Variants in SLC35G2 observed in about 807,000 individuals in gnomAD.
SLC35G2 encodes the protein solute carrier family 35 member G2.
Under a neutral mutation model 27.2 loss-of-function variants are expected in SLC35G2, and 20 were observed. The ratio of observed to expected loss-of-function variants is 0.74; its 90% CI spans 0.52 to 1.07. The LOEUF (loss-of-function observed/expected upper bound fraction) is 1.07, where lower values mean the gene tolerates loss of function less well. SLC35G2 is among the 50% of genes least tolerant of loss of function. SLC35G2 has a pLI of 0.00. For missense variants in SLC35G2, 416 were observed against 493.3 expected (o/e 0.84, Z 1.48); for synonymous variants, 148 against 165.3 (o/e 0.90, Z 0.80).
At chr3:136,837,031 G>C (rs776045674) in intron 1 of SLC35G2, among the ~76,000 whole-genome samples, 4 of 152,098 alleles carry the variant, frequency 2.6e-5, no homozygotes, top group Non-Finnish European at 4.4e-5. Flanking sequence ...TTATGGGGTG[G>C]TAACTTATGT....
intron 1 of SLC35G2, among the ~76,000 whole-genome samples, chr3:136,835,383 A>AT (rs1276054265): frequency 1.8e-4 from 3 of 17,008 alleles, no homozygotes; most frequent in African/African-American, 4.4e-4. Context: ...CAGGTGATAC[A>AT]TTTTTTTTTG....
chr3:136,855,130 G>C lies in SLC35G2; in HGVS notation c.670G>C (p.Ala224Pro). ...VDEKMAYVDM[A>P]TVVCSILGVC... The stretch of plus-strand genomic sequence containing the variant: ...TGAGAAAATGGCTTATGTTGACATG[G>C]CTACAGTTGTTTGCAGCATCTTAGG... Residue 224 changes from alanine (A) to proline (P), a missense_variant, in exon 2 of 2, where the codon GCT becomes CCT. Coordinates refer to ENST00000446465, the MANE Select transcript of SLC35G2 (RefSeq NM_025246.3). The C allele has an allele frequency of 6.2e-7, 1 of 1,614,142 alleles. No homozygotes were observed. The highest frequency in any genetic ancestry group is 8.5e-7 in the Non-Finnish European group (1 of 1,180,032).
At chr3:136,854,342 C>G in intron 1 of SLC35G2, 101 bp from the exon 2 acceptor site, 1 of 768,664 alleles carries the variant, frequency 1.3e-6, no homozygotes. Flanking sequence ...ACTACTGTTA[C>G]AGCCTCTACT....
At chr3:136,846,674 T>C (rs1200211767) in intron 1 of SLC35G2, 1 of 152,226 alleles carries the variant, frequency 6.6e-6, no homozygotes, top group African/African-American at 2.4e-5. Context: ...AACTACATAG[T>C]GGTCTTGCAT....
intron 1 of SLC35G2, among the ~76,000 whole-genome samples, chr3:136,841,167 A>G (rs774258096): frequency 9.9e-5 from 15 of 151,938 alleles, no homozygotes; most frequent in Non-Finnish European, 1.6e-4. Flanking sequence ...TGTATTTGCA[A>G]GATGGTTGGC....
At chr3:136,823,975 A>G (rs999745493) in intron 1 of SLC35G2, among the ~76,000 whole-genome samples, 1 of 151,942 alleles carries the variant, frequency 6.6e-6, no homozygotes, top group African/African-American at 2.4e-5. Flanking sequence ...TATTGAAGAG[A>G]CTGTCCTTTC....
chr3:136,840,835 C>A (rs912958433), intron 1 of SLC35G2, among the ~76,000 whole-genome samples: 3 of 151,588 alleles, frequency 2.0e-5, no homozygotes, highest in Middle Eastern at 3.5e-3. Flanking sequence ...GTTGGTCAGG[C>A]TGGTCTCGAA....
At chr3:136,841,858 C>G (rs1030538316) in intron 1 of SLC35G2, 15 of 152,128 alleles carry the variant, frequency 9.9e-5, no homozygotes, top group Non-Finnish European at 7.4e-5. Flanking sequence ...GCCATGTCCA[C>G]AAATCGTGTG....
At chr3:136,822,729 C>G (rs1489554086) in intron 1 of SLC35G2, among the ~76,000 whole-genome samples, 1 of 152,216 alleles carries the variant, frequency 6.6e-6, no homozygotes, top group Admixed American at 6.5e-5. Flanking sequence ...TGATGACTTT[C>G]AGTTCCATCT....
At chr3:136,847,108 T>G (rs1465685839) in intron 1 of SLC35G2, among the ~76,000 whole-genome samples, 8 of 151,730 alleles carry the variant, frequency 5.3e-5, no homozygotes, top group Admixed American at 5.3e-4. Flanking sequence ...ACCTGGGAGG[T>G]GGAGGTTGCA....
At chr3:136,852,975 A>G (rs1485389024) in intron 1 of SLC35G2, among the ~76,000 whole-genome samples, 6 of 152,206 alleles carry the variant, frequency 3.9e-5, no homozygotes, top group Non-Finnish European at 5.9e-5. Flanking sequence ...TATTGCTAAC[A>G]TTTATTGAGA....
chr3:136,822,207 C>A (rs74709528), intron 1 of SLC35G2, among the ~76,000 whole-genome samples: 4 of 152,190 alleles, frequency 2.6e-5, no homozygotes, highest in African/African-American at 9.6e-5. Context: ...AGGTGTTATT[C>A]ATTCTTTCTA....
intron 1 of SLC35G2, among the ~76,000 whole-genome samples, chr3:136,829,590 C>G (rs1936672983): frequency 6.6e-6 from 1 of 152,146 alleles, no homozygotes. Context: ...TCTAGCATTT[C>G]TTGTAGAAAA....
chr3:136,840,334 C>G (rs186259006), intron 1 of SLC35G2, among the ~76,000 whole-genome samples: 7 of 152,252 alleles, frequency 4.6e-5, no homozygotes, highest in African/African-American at 1.7e-4. Flanking sequence ...TCATCCAGTT[C>G]TGGCACTTTT....
At chr3:136,835,323 T>G (rs1321846243) in intron 1 of SLC35G2, among the ~76,000 whole-genome samples, 1 of 109,830 alleles carries the variant, frequency 9.1e-6, no homozygotes, top group Non-Finnish European at 1.9e-5. Flanking sequence ...TTTTTTTTTT[T>G]GTAGAGTTCC....
intron 1 of SLC35G2, among the ~76,000 whole-genome samples, chr3:136,822,008 G>A (rs1390443825): frequency 6.6e-6 from 1 of 151,498 alleles, no homozygotes; most frequent in Non-Finnish European, 1.5e-5. Context: ...ATATTTACGG[G>A]GTACATGAGA....
chr3:136,844,795 C>T (rs77797247), intron 1 of SLC35G2, among the ~76,000 whole-genome samples: 3 of 95,332 alleles, frequency 3.1e-5, no homozygotes, highest in African/African-American at 1.2e-4. Context: ...GACTCTCTGT[C>T]TCAAAAAAAA....
intron 1 of SLC35G2, among the ~76,000 whole-genome samples, chr3:136,827,476 A>C (rs1377190519): frequency 6.6e-6 from 1 of 152,076 alleles, no homozygotes; most frequent in Non-Finnish European, 1.5e-5. Context: ...AGCCTCTCAA[A>C]TTGCTGGCCT....
intron 1 of SLC35G2, among the ~76,000 whole-genome samples, chr3:136,831,491 C>T (rs1936728403): frequency 6.6e-6 from 1 of 152,120 alleles, no homozygotes; most frequent in Non-Finnish European, 1.5e-5. Context: ...TCAGGGGATA[C>T]TGGTACATAG....
Sources: gnomAD v4.1 joint callset for allele counts (sites outside exome capture counted in the v4.1 genomes callset) on GRCh38, gnomAD v4.1.1 for gene constraint, MANE v1.5 for transcripts, NCBI Gene and HGNC (gene_info 2026-07-23, HGNC 2026-07-21) for gene names.